BTNL8: variants seen among roughly 807,000 people sequenced by gnomAD.
The protein encoded by BTNL8 is butyrophilin like 8, also known as butyrophilin-like protein 8.
A neutral mutation model predicts 36.1 loss-of-function variants in BTNL8; 22 were observed. The observed-to-expected ratio is 0.61, with a 90% confidence interval of 0.44 to 0.87. The LOEUF is 0.87. Among genes scored for constraint, BTNL8 ranks in the 40% least tolerant of loss-of-function variants. The pLI is 0.00. For missense variants in BTNL8, 526 were observed against 616.9 expected (o/e 0.85, Z 1.56); for synonymous variants, 203 against 235.6 (o/e 0.86, Z 1.27).
At chr5:180,936,161 G>T (rs35652032) in intron 3 of BTNL8, among the ~76,000 whole-genome samples, 5,937 of 151,952 alleles carry the variant, frequency 0.039, 398 homozygotes, top group African/African-American at 0.14. Flanking sequence ...TGCTTGCCTT[G>T]TCCTCCGAAA....
At chr5:180,944,281 A>T (rs1297679155) in intron 3 of BTNL8, among the ~76,000 whole-genome samples, 1 of 152,236 alleles carries the variant, frequency 6.6e-6, no homozygotes, top group African/African-American at 2.4e-5. Context: ...ACTATAGTTA[A>T]CAAGAATGTA....
chr5:180,913,020 C>A (rs146546619), intron 3 of BTNL8, among the ~76,000 whole-genome samples: 48 of 152,200 alleles, frequency 3.2e-4, no homozygotes, highest in African/African-American at 1.1e-3. Flanking sequence ...GCTAAGATTG[C>A]TGAAAACCAA....
chr5:180,949,489 C>CG (rs201210185), intron 7 of BTNL8: 94,951 of 686,976 alleles, frequency 0.14, 19,784 homozygotes, highest in African/African-American at 0.45. Context: ...AAACGGGAGA[C>CG]GGGGGGGTCT....
chr5:180,928,286 A>C (rs890501256), intron 3 of BTNL8, among the ~76,000 whole-genome samples: 1 of 152,208 alleles, frequency 6.6e-6, no homozygotes, highest in Non-Finnish European at 1.5e-5. Context: ...GCAAATGCTG[A>C]GGGATTTTGT....
intron 3 of BTNL8, among the ~76,000 whole-genome samples, chr5:180,946,855 T>C (rs1487506966): frequency 6.6e-6 from 1 of 152,012 alleles, no homozygotes; most frequent in Admixed American, 6.6e-5. Context: ...TATCAAAGAG[T>C]CACACCGTAC....
intron 3 of BTNL8, among the ~76,000 whole-genome samples, chr5:180,934,760 G>A (rs1758565524): frequency 1.3e-5 from 2 of 152,224 alleles, no homozygotes; most frequent in African/African-American, 4.8e-5. Flanking sequence ...CCTGGCATGG[G>A]AAGCCCCTAG....
chr5:180,928,915 A>G (rs762715420), intron 3 of BTNL8, among the ~76,000 whole-genome samples: 27 of 152,298 alleles, frequency 1.8e-4, no homozygotes, highest in Non-Finnish European at 2.9e-4. Flanking sequence ...CGAGACAGAA[A>G]ATTAACAAGG....
intron 3 of BTNL8, among the ~76,000 whole-genome samples, chr5:180,931,108 A>C (rs1280461754): frequency 6.6e-6 from 1 of 152,198 alleles, no homozygotes; most frequent in Non-Finnish European, 1.5e-5. Context: ...TGATACAAAA[A>C]CAGATATATA....
chr5:180,921,012 TA>T (rs1757839423), intron 3 of BTNL8, among the ~76,000 whole-genome samples: 1 of 151,982 alleles, frequency 6.6e-6, no homozygotes, highest in Admixed American at 6.5e-5. Context: ...GCAGATTCCT[TA>T]AAAAAATACA....
chr5:180,950,026 A>G lies in BTNL8; in HGVS notation c.985A>G (p.Ser329Gly), dbSNP rs756839485. 8 of 1,462,208 alleles carry G rather than the reference A, an allele frequency of 5.5e-6. 1 individual carries two copies. Among genetic ancestry groups the G allele is most frequent in the Non-Finnish European group, 7.6e-6 (8 of 1,058,542 alleles). 90.6% of individuals were successfully genotyped at this position (1,462,208 alleles called of 1,614,324 possible). A position where few individuals can be genotyped will look rare whatever the true frequency, so the allele number is the denominator to read the frequency against. Reference protein sequence around the residue: ...PHSEKRFTRKSVVASQSFQAG... With the variant: ...PHSEKRFTRKGVVASQSFQAG... ...CTCTGAGAAGAGATTTACAAGGAAG[A>G]GTGTGGTGGCTTCTCAGAGTTTCCA... Residue 329 changes from serine to glycine, a missense_variant, in exon 8 of 8, where the codon AGT (serine) becomes GGT (glycine). Physicochemically the swap from Ser to Gly is moderately conservative, Grantham distance 56 (BLOSUM62 0). This residue lies in a region of BTNL8 where 176 missense variants were observed against 292.3 expected (regional missense o/e 0.60). Coordinates refer to ENST00000340184, the MANE Select transcript of BTNL8 (RefSeq NM_001040462.3).
chr5:180,911,093 C>T (rs1180776259), intron 2 of BTNL8, among the ~76,000 whole-genome samples: 1 of 152,230 alleles, frequency 6.6e-6, no homozygotes, highest in African/African-American at 2.4e-5. Context: ...ACAAGTTTCT[C>T]ATAGAAGCAG....
chr5:180,949,399 C>A, intron 7 of BTNL8, 134 bp downstream of exon 7: 1 of 1,293,344 alleles, frequency 7.7e-7, no homozygotes. Flanking sequence ...AAACTGGATG[C>A]TTGATCGCCC....
chr5:180,944,442 T>C (rs1331413215), intron 3 of BTNL8, among the ~76,000 whole-genome samples: 4 of 152,200 alleles, frequency 2.6e-5, no homozygotes, highest in Non-Finnish European at 4.4e-5. Flanking sequence ...ACAGTTATTA[T>C]GAGGCAATTA....
At chr5:180,926,585 A>T (rs1343312532) in intron 3 of BTNL8, among the ~76,000 whole-genome samples, 1 of 152,212 alleles carries the variant, frequency 6.6e-6, no homozygotes, top group Non-Finnish European at 1.5e-5. Context: ...TGAAATTCTC[A>T]CTGGCAGCAG....
chr5:180,908,082 G>A (rs975589084), intron 1 of BTNL8, among the ~76,000 whole-genome samples: 1 of 152,234 alleles, frequency 6.6e-6, no homozygotes, highest in African/African-American at 2.4e-5. Flanking sequence ...AATCAAGCCT[G>A]GGCAATGGCG....
chr5:180,949,114 C>T, intron 6 of BTNL8, 125 bp from the exon 7 acceptor site: 1 of 1,345,914 alleles, frequency 7.4e-7, no homozygotes, highest in Admixed American at 2.1e-5. Context: ...GCCCCATAGC[C>T]TTCTTCGGAT....
At chr5:180,949,688 T>C in intron 7 of BTNL8, 1 of 615,368 alleles carries the variant, frequency 1.6e-6, no homozygotes, top group East Asian at 3.1e-5. Context: ...ATGCCGAGAT[T>C]GGGACGTCAT....
chr5:180,906,300 C>G (rs1426320268), intron 1 of BTNL8, among the ~76,000 whole-genome samples: 5 of 141,548 alleles, frequency 3.5e-5, no homozygotes, highest in Non-Finnish European at 7.5e-5. Context: ...CTCTTTTGAT[C>G]TTTGTTGGTT....
At chr5:180,930,118 C>T (rs573936525) in intron 3 of BTNL8, among the ~76,000 whole-genome samples, 33 of 152,302 alleles carry the variant, frequency 2.2e-4, no homozygotes, top group Middle Eastern at 3.4e-3. Flanking sequence ...GTATCCACCA[C>T]GATCAAGTTG....
Sources: allele counts gnomAD v4.1 joint callset (sites outside exome capture counted in the v4.1 genomes callset), GRCh38; gene constraint gnomAD v4.1.1; regional missense constraint gnomAD v4.1.1; transcripts MANE v1.5; gene names NCBI Gene and HGNC (gene_info 2026-07-23, HGNC 2026-07-21).